Variants in TLN2 observed in about 807,000 individuals in gnomAD.
TLN2 encodes talin-2.
A neutral mutation model predicts 294.7 loss-of-function variants in TLN2; 118 were observed. The observed-to-expected ratio is 0.40, with a 90% CI of 0.34 to 0.47. TLN2 has a LOEUF of 0.47. Among genes scored for constraint, TLN2 ranks in the 20% least tolerant of loss-of-function variants. The pLI, the probability that TLN2 is intolerant of heterozygous loss-of-function variation, is 0.84. For synonymous variants in TLN2, 1,431 were observed against 1,304.5 expected (o/e 1.10, Z -2.09); for missense variants, 3,083 against 3,282.2 (o/e 0.94, Z 1.48).
intron 1 of TLN2, among the ~76,000 whole-genome samples, chr15:62,576,546 C>T (rs1216971119): frequency 6.6e-6 from 1 of 150,778 alleles, no homozygotes; most frequent in African/African-American, 2.4e-5. Flanking sequence ...GATACTTGCC[C>T]CATAAGTACA....
chr15:62,831,902 T>A (rs1203706538), intron 54 of TLN2: 1 of 152,198 alleles, frequency 6.6e-6, no homozygotes, highest in African/African-American at 2.4e-5. Context: ...AAGCTGACTT[T>A]GAACCTCTGG....
intron 1 of TLN2, among the ~76,000 whole-genome samples, chr15:62,438,539 C>G (rs1367404367): frequency 6.6e-6 from 1 of 152,170 alleles, no homozygotes; most frequent in African/African-American, 2.4e-5. Context: ...ATTTATTTAT[C>G]CCATACAGTT....
rs1003596743 is a variant in TLN2 at position 62,695,756 on chromosome 15, G to A, written c.1292+1364G>A. Among the ~76,000 whole-genome samples, 3 of 152,192 alleles carry A rather than the reference G, an allele frequency of 2.0e-5. No individual in the cohort carries two copies. In the South Asian group the frequency reaches 6.2e-4, roughly 31 times the overall value. The stretch of plus-strand genomic sequence containing the variant: ...AGTTTCTAGTACTTGCCACCCTTGG[G>A]CAGAGCACCTTAAGTCTTTGGAATT... On this transcript the variant is annotated intron_variant, in intron 14 of 58. Transcript: ENST00000636159.
chr15:62,573,415 C>T (rs1303578117), intron 1 of TLN2, among the ~76,000 whole-genome samples: 1 of 152,148 alleles, frequency 6.6e-6, no homozygotes, highest in Non-Finnish European at 1.5e-5. Context: ...GGACCCACTA[C>T]CTTGGCTCGG....
At chr15:62,485,935 A>G (rs1247897891) in intron 1 of TLN2, among the ~76,000 whole-genome samples, 2 of 152,168 alleles carry the variant, frequency 1.3e-5, no homozygotes, top group African/African-American at 4.8e-5. Flanking sequence ...GTTACTGTGG[A>G]AACACTTGGT....
In TLN2 at chr15:62,692,145, G is replaced by T. The variant is rs543344486; in HGVS notation, c.1114-695G>T. ...GACTGATTTTTTCTTTTGACACTAAGGTTCCTGCTCAAACCCTGTTGGTTC... is the reference window on the plus strand; with the variant it reads ...GACTGATTTTTTCTTTTGACACTAATGTTCCTGCTCAAACCCTGTTGGTTC... On this transcript the variant is annotated intron_variant, in intron 12 of 58. Transcript: ENST00000636159. Among the ~76,000 whole-genome samples the T allele has an allele frequency of 6.6e-4, 100 of 152,300 alleles. 1 individual carries two copies. In the Middle Eastern group the frequency reaches 0.01, roughly 16 times the overall value.
chr15:62,643,405 A>ATTTTTTTTTTTTTTTTTTTTTTT (rs571288380), intron 3 of TLN2, among the ~76,000 whole-genome samples: 10 of 90,746 alleles, frequency 1.1e-4, no homozygotes, highest in African/African-American at 2.1e-4. Flanking sequence ...TGGTTCCAGG[A>ATTTTTTTTTTTTTTTTTTTTTTT]TTTTTTTTTT....
intron 51 of TLN2, among the ~76,000 whole-genome samples, chr15:62,809,724 T>A (rs2066546820): frequency 6.6e-6 from 1 of 152,206 alleles, no homozygotes; most frequent in South Asian, 2.1e-4. Context: ...TAACAAAGTC[T>A]GCACACAGAC....
chr15:62,840,747 C>A lies in TLN2; in HGVS notation c.*137C>A. 8.1e-7 allele frequency: 1 copy of A among 1,239,090 alleles called. No individual in the cohort carries two copies. The highest frequency in any genetic ancestry group is 1.1e-6 in the Non-Finnish European group (1 of 911,616). The allele number at this position is 1,239,090 out of a possible 1,614,324, so 76.8% of individuals were successfully genotyped here. ...GAGCCTGGAGCCCTGCGTGCTTGTTCTCACATCTCTGTCCCGTCGGCACTG... is the reference window on the plus strand; with the variant it reads ...GAGCCTGGAGCCCTGCGTGCTTGTTATCACATCTCTGTCCCGTCGGCACTG... On this transcript the variant is annotated 3_prime_UTR_variant, in exon 59 of 59. Coordinates refer to ENST00000636159, the MANE Select transcript of TLN2 (RefSeq NM_015059.3).
At chr15:62,785,507 C>T (rs1361161080) in intron 45 of TLN2, among the ~76,000 whole-genome samples, 2 of 152,214 alleles carry the variant, frequency 1.3e-5, no homozygotes, top group Non-Finnish European at 2.9e-5. Context: ...TACAAAAATA[C>T]TGGGCGTGAT....
At chr15:62,747,979 GAGAGGTGGC>G (rs2061707774) in intron 32 of TLN2, among the ~76,000 whole-genome samples, 1 of 152,198 alleles carries the variant, frequency 6.6e-6, no homozygotes, top group Non-Finnish European at 1.5e-5. Context: ...CTTGCTGTCT[GAGAGGTGGC>G]AGAGGTGGAA....
intron 1 of TLN2, among the ~76,000 whole-genome samples, chr15:62,399,213 A>C (rs1350835722): frequency 1.5e-5 from 2 of 129,932 alleles, no homozygotes; most frequent in Non-Finnish European, 3.1e-5. Flanking sequence ...TGGATGCGCC[A>C]CTGCACTCTA....
intron 1 of TLN2, among the ~76,000 whole-genome samples, chr15:62,531,893 G>T (rs1380860472): frequency 6.6e-6 from 1 of 152,132 alleles, no homozygotes; most frequent in African/African-American, 2.4e-5. Flanking sequence ...AGAGCCTCGG[G>T]TGAGCCTCCT....
intron 4 of TLN2, among the ~76,000 whole-genome samples, chr15:62,649,822 T>A (rs373689943): frequency 1.3e-5 from 2 of 152,224 alleles, no homozygotes; most frequent in East Asian, 3.8e-4. Flanking sequence ...CTTCTAAATT[T>A]TCCTACATTT....
At chr15:62,791,781 A>G (rs535653156) in intron 45 of TLN2, among the ~76,000 whole-genome samples, 2 of 152,356 alleles carry the variant, frequency 1.3e-5, no homozygotes, top group East Asian at 3.9e-4. Flanking sequence ...TGGAAGGCAG[A>G]TTATTTATGG....
intron 52 of TLN2, among the ~76,000 whole-genome samples, chr15:62,815,177 T>TCTCACACA (rs1349363288): frequency 7.7e-4 from 109 of 140,682 alleles, no homozygotes; most frequent in African/African-American, 1.5e-3. Context: ...ATTCTGTCTG[T>TCTCACACA]CACACACACA....
chr15:62,697,354 C>T (rs917588549), intron 14 of TLN2, among the ~76,000 whole-genome samples: 2 of 152,184 alleles, frequency 1.3e-5, no homozygotes, highest in African/African-American at 2.4e-5. Context: ...AGGAATCCTT[C>T]CCATTTGGCC....
chr15:62,802,183 A>AT (rs1273297559), intron 50 of TLN2, among the ~76,000 whole-genome samples: 2 of 151,458 alleles, frequency 1.3e-5, no homozygotes, highest in East Asian at 1.9e-4. Flanking sequence ...AATTATTTTA[A>AT]TTTTTTCTGT....
intron 54 of TLN2, among the ~76,000 whole-genome samples, chr15:62,820,844 G>T (rs1293981656): frequency 6.6e-6 from 1 of 152,202 alleles, no homozygotes; most frequent in East Asian, 1.9e-4. Context: ...TCCAAAGGAA[G>T]AATTGGGGCA....
Sources: gnomAD v4.1 joint callset for allele counts (sites outside exome capture counted in the v4.1 genomes callset) on GRCh38, gnomAD v4.1.1 for gene constraint, MANE v1.5 for transcripts, NCBI Gene and HGNC (gene_info 2026-07-23, HGNC 2026-07-21) for gene names.